Variants in SV2B observed in about 807,000 individuals in gnomAD.
SV2B encodes the protein solute carrier family 22 member B2.
Under a neutral mutation model 73.9 loss-of-function variants are expected in SV2B, and 41 were observed. That is an observed-to-expected ratio of 0.56 (90% CI 0.43 to 0.72). The LOEUF (loss-of-function observed/expected upper bound fraction) is 0.72, where lower values mean the gene tolerates loss of function less well. SV2B is among the 30% of genes least tolerant of loss of function. The pLI, the probability that SV2B is intolerant of heterozygous loss-of-function variation, is 0.00. For missense variants in SV2B, 764 were observed against 857.8 expected (o/e 0.89, Z 1.37); for synonymous variants, 314 against 314.2 (o/e 1.00, Z 0.01).
At chr15:91,203,966 G>T (rs1024732379) in intron 1 of SV2B, among the ~76,000 whole-genome samples, 1 of 152,150 alleles carries the variant, frequency 6.6e-6, no homozygotes, top group African/African-American at 2.4e-5. Context: ...TTCTCAATCA[G>T]GTCCATTTAT....
intron 1 of SV2B, among the ~76,000 whole-genome samples, chr15:91,112,213 T>C (rs564523327): frequency 6.6e-6 from 1 of 152,102 alleles, no homozygotes; most frequent in South Asian, 2.1e-4. Context: ...CTAGAATCTC[T>C]TGTGGGTTTA....
rs115123589 is a variant in SV2B, at chr15:91,230,721, T to C, written c.451+4007T>C. On this transcript the variant is annotated intron_variant, in intron 2 of 12. Transcript: ENST00000394232. ...ATTCTTTTAAAAAATGTTTGAACAT[T>C]ACCACACGCCTGGTACTCCTCTGGT... Among the ~76,000 whole-genome samples the C allele has an allele frequency of 5.3e-3, 809 of 152,324 alleles. 7 individuals are homozygous for C. Among genetic ancestry groups the C allele is most frequent in the African/African-American group, 0.018 (758 of 41,568 alleles).
In SV2B at chr15:91,104,300, G is replaced by A. The variant is rs1231989656; in HGVS notation, c.-392+3937G>A. The stretch of plus-strand genomic sequence containing the variant: ...GGCTGGCTGCTTTAGGATGGCCTCA[G>A]CTGGATGACTTGGCTCTGCTCCATG... On this transcript the variant is annotated intron_variant, in intron 1 of 12. Coordinates refer to ENST00000394232, the MANE Select transcript of SV2B (RefSeq NM_001323032.3). Among the ~76,000 whole-genome samples, 5 of 152,348 alleles carry A rather than the reference G, an allele frequency of 3.3e-5. No individual in the cohort carries two copies. In the South Asian group the frequency reaches 8.3e-4, roughly 25 times the overall value.
rs1284221046 is a variant in SV2B, at chr15:91,220,066, A to G, written c.-391-5807A>G. On this transcript the variant is annotated intron_variant, in intron 1 of 12. Transcript: ENST00000394232. This position sits in a 1 kb window ranked among gnomAD's most constrained non-coding sequence, Gnocchi z 4.1. ...AGTTTGGGGCAATTATAATGTTGCT[A>G]TTAACATTTGTGTCCAAGTCTTTGT... 6.6e-6 allele frequency among the ~76,000 whole-genome samples: 1 copy of G among 152,206 alleles called. No individual in the cohort carries two copies. Among genetic ancestry groups the G allele is most frequent in the Non-Finnish European group, 1.5e-5 (1 of 68,040 alleles).
At chr15:91,259,240 C>T (rs1233962130) in intron 5 of SV2B, among the ~76,000 whole-genome samples, 1 of 152,210 alleles carries the variant, frequency 6.6e-6, no homozygotes, top group Non-Finnish European at 1.5e-5. Context: ...ACAGGGTCCC[C>T]AGCCACCAGA....
intron 1 of SV2B, among the ~76,000 whole-genome samples, chr15:91,184,377 A>G (rs189122219): frequency 7.2e-5 from 11 of 152,322 alleles, no homozygotes; most frequent in East Asian, 5.8e-4. Context: ...TAACTTCTCA[A>G]TCAATGTTAT....
intron 2 of SV2B, among the ~76,000 whole-genome samples, chr15:91,243,157 A>T (rs1263452635): frequency 6.6e-6 from 1 of 152,160 alleles, no homozygotes; most frequent in Non-Finnish European, 1.5e-5. Flanking sequence ...AATGACCACA[A>T]CTTGGTCTTA....
At position 91,245,729 on chromosome 15, in the gene SV2B, A is replaced by AT. The variant is rs1394676441; in HGVS notation, c.452-6089dup. Among the ~76,000 whole-genome samples, 1 of 152,234 alleles carries AT rather than the reference A, an allele frequency of 6.6e-6. No homozygotes were observed. Among genetic ancestry groups the AT allele is most frequent in the African/African-American group, 2.4e-5 (1 of 41,462 alleles). On this transcript the variant is annotated intron_variant, in intron 2 of 12. Transcript: ENST00000394232. The surrounding 1 kb of genome is among the most constrained non-coding windows in gnomAD (Gnocchi z 4.2). Reference sequence around the variant, plus strand: ...TGGCAAATATCAAACAAATAAATATATAACATCAAATAGAGACATGTGATA... The same window carrying AT: ...TGGCAAATATCAAACAAATAAATATATTAACATCAAATAGAGACATGTGATA...
At chr15:91,246,713 ACCTCCT>A (rs3837743) in intron 2 of SV2B, among the ~76,000 whole-genome samples, 28,740 of 141,790 alleles carry the variant, frequency 0.2, 5,782 homozygotes, top group African/African-American at 0.53. Flanking sequence ...CCTCCTTTCA[ACCTCCT>A]CCTCCTCCTC....
In SV2B at chr15:91,268,419, C is replaced by T. The variant is rs545842843; in HGVS notation, c.1209-22C>T. On this transcript the variant is annotated intron_variant, in intron 8 of 12. Transcript: ENST00000394232. The surrounding 1 kb of genome is among the most constrained non-coding windows in gnomAD (Gnocchi z 4.4). Reference sequence around the variant, plus strand: ...AGAATGAATCCTGTTGTTGTTGCAACCTTCTGCCTTCTCCACTCCAGTTAC... The same window carrying T: ...AGAATGAATCCTGTTGTTGTTGCAATCTTCTGCCTTCTCCACTCCAGTTAC... The T allele has an allele frequency of 6.3e-7, 1 of 1,599,394 alleles. No individual in the cohort carries two copies.
At chr15:91,203,988 A>G (rs1039212845) in intron 1 of SV2B, among the ~76,000 whole-genome samples, 1 of 152,214 alleles carries the variant, frequency 6.6e-6, no homozygotes. Context: ...CAAATGAAGG[A>G]TTCAAACTTG....
At chr15:91,273,362 T>C (rs2048379390) in intron 9 of SV2B, among the ~76,000 whole-genome samples, 1 of 152,226 alleles carries the variant, frequency 6.6e-6, no homozygotes, top group African/African-American at 2.4e-5. Context: ...AATATTGATG[T>C]AGAATGTATA....
At chr15:91,248,931 C>T (rs2047362632) in intron 2 of SV2B, among the ~76,000 whole-genome samples, 1 of 152,084 alleles carries the variant, frequency 6.6e-6, no homozygotes, top group Non-Finnish European at 1.5e-5. Context: ...GAGACTAGTT[C>T]TCAGCAAATC....
Position 91,139,347 on chromosome 15 carries a change from T to TAAAAA in SV2B, c.-392+38989_-392+38993dup, listed in dbSNP as rs34370427. Among the ~76,000 whole-genome samples the TAAAAA allele has an allele frequency of 9.7e-4, 146 of 150,842 alleles. No homozygotes were observed. The highest frequency in any genetic ancestry group is 1.7e-3 in the Non-Finnish European group (115 of 67,668). Reference sequence around the variant, plus strand: ...CTTGCAAATTTCCACAATAAAATGTTAAAAAAAAAGAAGTAAGGGAAACTT... The same window carrying TAAAAA: ...CTTGCAAATTTCCACAATAAAATGTTAAAAAAAAAAAAAAGAAGTAAGGGAAACTT... On this transcript the variant is annotated intron_variant, in intron 1 of 12. Coordinates refer to ENST00000394232, the MANE Select transcript of SV2B (RefSeq NM_001323032.3). This position sits in a 1 kb window ranked among gnomAD's most constrained non-coding sequence, Gnocchi z 5.2.
At position 91,289,813 on chromosome 15, in the gene SV2B, A is replaced by G; in HGVS notation, c.1868+133A>G. 4.8e-6 allele frequency: 5 copies of G among 1,049,424 alleles called. No individual in the cohort carries two copies. Among genetic ancestry groups the G allele is most frequent in the Non-Finnish European group, 6.8e-6 (5 of 740,212 alleles). The allele number at this position is 1,049,424 out of a possible 1,614,324, so 65.0% of individuals were successfully genotyped here. A position where few individuals can be genotyped will look rare whatever the true frequency, so the allele number is the denominator to read the frequency against. On this transcript the variant is annotated intron_variant, in intron 12 of 12. Transcript: ENST00000394232. The surrounding 1 kb of genome is among the most constrained non-coding windows in gnomAD (Gnocchi z 4.9). ...CTGTTCCGTGAAACAAACATCTTTT[A>G]TGTTGAGCTTCTCCTGCATGGTGGA...
chr15:91,261,786 A>G lies in SV2B; in HGVS notation c.1008+1377A>G, dbSNP rs983452790. 3.3e-5 allele frequency among the ~76,000 whole-genome samples: 5 copies of G among 152,212 alleles called. No individual in the cohort carries two copies. The highest frequency in any genetic ancestry group is 9.7e-5 in the African/African-American group (4 of 41,450). On this transcript the variant is annotated intron_variant, in intron 6 of 12. Transcript: ENST00000394232. The surrounding 1 kb of genome is among the most constrained non-coding windows in gnomAD (Gnocchi z 4.7). ...TTTTAAAAGCAGACAAAACAAACAA[A>G]CAAAAAACCAAAACAAAATGGTAAA...
At chr15:91,167,708 A>G (rs975744613) in intron 1 of SV2B, among the ~76,000 whole-genome samples, 4 of 152,204 alleles carry the variant, frequency 2.6e-5, no homozygotes, top group Non-Finnish European at 5.9e-5. Context: ...CCCTTTTACC[A>G]TGCAAGGTAA....
At chr15:91,180,848 G>A (rs2044524259) in intron 1 of SV2B, among the ~76,000 whole-genome samples, 2 of 152,120 alleles carry the variant, frequency 1.3e-5, no homozygotes, top group African/African-American at 4.8e-5. Flanking sequence ...ATTTCCTCCT[G>A]TAGCTCGGAG....
chr15:91,262,740 C>T lies in SV2B; in HGVS notation c.1008+2331C>T, dbSNP rs79065060. Among the ~76,000 whole-genome samples, 537 of 152,276 alleles carry T rather than the reference C, an allele frequency of 3.5e-3. 1 individual carries two copies. The highest frequency in any genetic ancestry group is 0.012 in the African/African-American group (518 of 41,540). Reference sequence around the variant, plus strand: ...AACATTTATTAAGAAGCACGATGAACAGAAATGCTCCAAATGAAAGATGTT... The same window carrying T: ...AACATTTATTAAGAAGCACGATGAATAGAAATGCTCCAAATGAAAGATGTT... On this transcript the variant is annotated intron_variant, in intron 6 of 12. Coordinates refer to ENST00000394232, the MANE Select transcript of SV2B (RefSeq NM_001323032.3).
Sources: allele counts gnomAD v4.1 joint callset (sites outside exome capture counted in the v4.1 genomes callset), GRCh38; gene constraint gnomAD v4.1.1; non-coding constraint Gnocchi (gnomAD v3.1); transcripts MANE v1.5; gene names NCBI Gene and HGNC (gene_info 2026-07-23, HGNC 2026-07-21).